SERPINB11: variants seen among roughly 807,000 people sequenced by gnomAD.
SERPINB11 encodes serpin B11.
SERPINB11 carries 32 observed loss-of-function variants against 36.7 expected under a neutral mutation model. That is an observed-to-expected ratio of 0.87 (90% CI 0.66 to 1.17). SERPINB11 has a LOEUF of 1.17. Among genes scored for constraint, SERPINB11 ranks in the 50% most tolerant of loss-of-function variants. The pLI, the probability that SERPINB11 is intolerant of heterozygous loss-of-function variation, is 0.00. For missense variants in SERPINB11, 528 were observed against 458.4 expected, an observed-to-expected ratio of 1.15 and a Z score of -1.39; for synonymous variants, 174 against 168.1, an observed-to-expected ratio of 1.04 and a Z score of -0.27.
At chr18:63,706,328 C>T (rs1363029032) in intron 1 of SERPINB11, among the ~76,000 whole-genome samples, 1 of 152,146 alleles carries the variant, frequency 6.6e-6, no homozygotes, top group African/African-American at 2.4e-5. Flanking sequence ...GACATAAATG[C>T]CTAAATTGAT....
intron 2 of SERPINB11, among the ~76,000 whole-genome samples, chr18:63,710,890 A>C (rs1488050661): frequency 6.6e-6 from 1 of 152,204 alleles, no homozygotes; most frequent in Non-Finnish European, 1.5e-5. Flanking sequence ...TTGCAGTGGA[A>C]AGTCTAGAAG....
Position 63,722,043 on chromosome 18 carries a change from C to T in SERPINB11, c.775-952C>T, listed in dbSNP as rs1002651894. ...AATTCCTAGTACAGCAATTTCAGTC[C>T]GAGCCTTGCTGGATGAATAGGAGAA... On this transcript the variant is annotated intron_variant, in intron 7 of 7. Transcript: ENST00000544088. Among the ~76,000 whole-genome samples the T allele has an allele frequency of 6.6e-5, 10 of 152,206 alleles. No individual in the cohort carries two copies. The East Asian group carries it at 1.5e-3, about 24-fold the overall frequency.
chr18:63,704,369 G>A (rs1442359353), intron 1 of SERPINB11, among the ~76,000 whole-genome samples: 1 of 152,082 alleles, frequency 6.6e-6, no homozygotes, highest in Non-Finnish European at 1.5e-5. Flanking sequence ...TTAAATATAT[G>A]GTTAACATAG....
intron 4 of SERPINB11, among the ~76,000 whole-genome samples, chr18:63,714,085 C>A (rs1966127): frequency 6.6e-6 from 1 of 151,860 alleles, no homozygotes; most frequent in Non-Finnish European, 1.5e-5. Context: ...TCTGTTTTCC[C>A]TATGTGTCGG....
In SERPINB11 at chr18:63,711,327, T is replaced by C. The variant is rs192759789; in HGVS notation, c.169-8T>C. On this transcript the variant is annotated splice_region_variant and splice_polypyrimidine_tract_variant and intron_variant, in intron 2 of 7. Transcript: ENST00000544088. ...GATGCCAAAAGATCCCTTTTTTTTC[T>C]TTTCTAGGTGCTTCATTTTAGTCAT... is the stretch of plus-strand genomic sequence containing the variant. 1 of 1,604,540 alleles carries C rather than the reference T, an allele frequency of 6.2e-7. No homozygotes were observed. The highest frequency in any genetic ancestry group is 8.5e-7 in the Non-Finnish European group (1 of 1,172,762).
intron 6 of SERPINB11, chr18:63,720,362 A>G: frequency 1.8e-6 from 1 of 541,188 alleles, no homozygotes. Context: ...GACTTGGGAT[A>G]CTAAGATTCT....
chr18:63,712,631 T>C lies in SERPINB11; in HGVS notation c.295T>C (p.Ser99Pro). 6.2e-7 allele frequency: 1 copy of C among 1,613,862 alleles called. No individual in the cohort carries two copies. The highest frequency in any genetic ancestry group is 8.5e-7 in the Non-Finnish European group (1 of 1,179,772). The change falls in exon 4 of 8, where the codon TCT (serine) becomes CCT (proline). Residue 99 changes from serine (S) to proline (P), a missense_variant. Ser to Pro is a moderately conservative substitution (Grantham distance 74). Transcript: ENST00000544088. ...VEFSQINQPD[S>P]NCTLSIANRL... ...ATTCTCTCAAATCAACCAGCCAGAC[T>C]CTAACTGTACCCTCAGCATTGCCAA...
At position 63,723,042 on chromosome 18, in the gene SERPINB11, T is replaced by C; in HGVS notation, c.822T>C (p.Ser274=). The change falls in exon 8 of 8, where the codon TCT becomes TCC. Residue 274 remains serine, a synonymous_variant. Coordinates refer to ENST00000544088, the MANE Select transcript of SERPINB11 (RefSeq NM_001370475.1). ...NSGTFHEWTS[S]SNMMEREVEV... ...GGACGTTTCATGAGTGGACAAGCTC[T>C]TCTAACATGATGGAAAGAGAAGTTG... 6.2e-7 allele frequency: 1 copy of C among 1,601,412 alleles called. No individual in the cohort carries two copies. The highest frequency in any genetic ancestry group is 8.5e-7 in the Non-Finnish European group (1 of 1,174,032).
In SERPINB11 at chr18:63,709,779, C is replaced by T. The variant is rs114593827; in HGVS notation, c.-15-400C>T. 3.9e-3 allele frequency among the ~76,000 whole-genome samples: 598 copies of T among 152,180 alleles called. 4 individuals are homozygous for T. Among genetic ancestry groups the T allele is most frequent in the South Asian group, 0.019 (91 of 4,820 alleles). ...CGGGTAGTCTAGTGGGAAAATATCT[C>T]GACTGGCTGATCGTGTGTAGCTCAA... On this transcript the variant is annotated intron_variant, in intron 1 of 7. Transcript: ENST00000544088.
In SERPINB11 at chr18:63,723,017, G is replaced by T; in HGVS notation, c.797G>T (p.Gly266Val). 6.3e-7 allele frequency: 1 copy of T among 1,579,706 alleles called. No homozygotes were observed. Among genetic ancestry groups the T allele is most frequent in the East Asian group, 2.2e-5 (1 of 44,658 alleles). ...TAGATAGAAAAGCAGCTGAATTCGG[G>T]GACGTTTCATGAGTGGACAAGCTCT... ...LKQIEKQLNS[G>V]TFHEWTSSSN... The change falls in exon 8 of 8, where the codon GGG becomes GTG. Residue 266 changes from glycine (G) to valine (V), a missense_variant. Coordinates refer to ENST00000544088, the MANE Select transcript of SERPINB11 (RefSeq NM_001370475.1).
chr18:63,711,892 C>A (rs189229939), intron 3 of SERPINB11, among the ~76,000 whole-genome samples: 1 of 151,976 alleles, frequency 6.6e-6, no homozygotes, highest in Non-Finnish European at 1.5e-5. Flanking sequence ...TGTTTGATTA[C>A]GATTGGTTGA....
Position 63,722,993 on chromosome 18 carries a change from A to G in SERPINB11, c.775-2A>G, listed in dbSNP as rs200847682. The G allele has an allele frequency of 1.1e-3, 1,670 of 1,561,718 alleles. 5 individuals are homozygous for G. The highest frequency in any genetic ancestry group is 3.0e-3 in the South Asian group (240 of 79,338). ...TGGGCTTGTCTGTGTTTTGTCTCTT[A>G]GATAGAAAAGCAGCTGAATTCGGGG... On this transcript the variant is annotated splice_acceptor_variant, in intron 7 of 7. Coordinates refer to ENST00000544088, the MANE Select transcript of SERPINB11 (RefSeq NM_001370475.1). LOFTEE classifies it high-confidence loss of function.
Position 63,710,241 on chromosome 18 carries a change from C to T in SERPINB11, c.48C>T (p.Phe16=). 6.2e-7 allele frequency: 1 copy of T among 1,613,134 alleles called. No homozygotes were observed. The highest frequency in any genetic ancestry group is 8.5e-7 in the Non-Finnish European group (1 of 1,179,526). Residue 16 remains phenylalanine, a synonymous_variant, in exon 2 of 8, where the codon TTC becomes TTT. Transcript: ENST00000544088. ...TANVEFCLDV[F]KELNSNNIGD... ...ACGTTGAATTTTGCCTTGATGTGTT[C>T]AAAGAGCTGAACAGTAACAACATAG...
intron 5 of SERPINB11, among the ~76,000 whole-genome samples, chr18:63,718,557 A>T (rs2144547422): frequency 6.6e-6 from 1 of 152,002 alleles, no homozygotes; most frequent in South Asian, 2.1e-4. Flanking sequence ...GCTGGTATCT[A>T]TTATTTTGGT....
At chr18:63,717,062 T>C (rs1230036559) in intron 5 of SERPINB11, among the ~76,000 whole-genome samples, 1 of 152,200 alleles carries the variant, frequency 6.6e-6, no homozygotes, top group Non-Finnish European at 1.5e-5. Context: ...GCCCCTTTTT[T>C]CCCAAATGTT....
chr18:63,713,375 A>G lies in SERPINB11; in HGVS notation c.357+682A>G, dbSNP rs561453127. Among the ~76,000 whole-genome samples the G allele has an allele frequency of 3.9e-5, 6 of 152,342 alleles. No homozygotes were observed. In the South Asian group the frequency reaches 6.2e-4, roughly 16 times the overall value. ...AAAGTCAGGCTGATAAGGGTCACAG[A>G]CATATTTAAATGGCAAAACCTGGAT... is the stretch of plus-strand genomic sequence containing the variant. On this transcript the variant is annotated intron_variant, in intron 4 of 7. Coordinates refer to ENST00000544088, the MANE Select transcript of SERPINB11 (RefSeq NM_001370475.1).
rs905770137 is a variant in SERPINB11 at position 63,711,276 on chromosome 18, A to T, written c.169-59A>T. On this transcript the variant is annotated intron_variant, in intron 2 of 7. Coordinates refer to ENST00000544088, the MANE Select transcript of SERPINB11 (RefSeq NM_001370475.1). The stretch of plus-strand genomic sequence containing the variant: ...GAAAAATAGATACTTACAACTGTCA[A>T]CCTTTATAGACTGTACATTGCTTCT... The T allele has an allele frequency of 1.1e-5, 13 of 1,156,778 alleles. No individual in the cohort carries two copies. The Admixed American group carries it at 2.2e-4, about 20-fold the overall frequency. 71.7% of individuals were successfully genotyped at this position (1,156,778 alleles called of 1,614,324 possible).
chr18:63,711,232 C>A, intron 2 of SERPINB11, 103 bp from the exon 3 acceptor site: 1 of 805,640 alleles, frequency 1.2e-6, no homozygotes, highest in Non-Finnish European at 2.1e-6. Context: ...GCTATCACTA[C>A]TGATCTTGAT....
intron 7 of SERPINB11, among the ~76,000 whole-genome samples, chr18:63,722,452 T>C (rs530206522): frequency 1.3e-5 from 2 of 152,012 alleles, no homozygotes; most frequent in Admixed American, 6.5e-5. Flanking sequence ...AAGCTGAGCA[T>C]TGATGTGGGA....
Sources: allele counts gnomAD v4.1 joint callset (sites outside exome capture counted in the v4.1 genomes callset), GRCh38; gene constraint gnomAD v4.1.1; transcripts MANE v1.5; gene names NCBI Gene and HGNC (gene_info 2026-07-23, HGNC 2026-07-21).